The following PTGES variants were observed in gnomAD, a reference collection of about 807,000 sequenced individuals.
The protein encoded by PTGES is MGST1-like 1.
A neutral mutation model predicts 11.8 loss-of-function variants in PTGES; 3 were observed. That is an observed-to-expected ratio of 0.25 (90% CI 0.12 to 0.66). The LOEUF (loss-of-function observed/expected upper bound fraction) is 0.66, where lower values mean the gene tolerates loss of function less well. Ranked by LOEUF, PTGES falls within the 30% of genes least tolerant of loss-of-function variation. The pLI is 0.82. For missense variants in PTGES, 180 were observed against 213.0 expected (o/e 0.85, Z 0.96); for synonymous variants, 94 against 90.4 (o/e 1.04, Z -0.22).
Position 129,739,512 on chromosome 9 carries a change from C to G in PTGES, c.*99G>C. ...AGCAGGCTGCCAGGAAACCAGGACT[C>G]AGGGCCCACCACAATCTGGAAGGAA... On this transcript the variant is annotated 3_prime_UTR_variant, in exon 3 of 3. Coordinates refer to ENST00000340607, the MANE Select transcript of PTGES (RefSeq NM_004878.5). The surrounding 1 kb of genome is among the most constrained non-coding windows in gnomAD (Gnocchi z 5.7). The G allele has an allele frequency of 6.8e-7, 1 of 1,461,500 alleles. No individual in the cohort carries two copies. Among genetic ancestry groups the G allele is most frequent in the Non-Finnish European group, 9.1e-7 (1 of 1,104,378 alleles). 90.5% of individuals were successfully genotyped at this position (1,461,500 alleles called of 1,614,324 possible). A position where few individuals can be genotyped will look rare whatever the true frequency, so the allele number is the denominator to read the frequency against.
In PTGES at chr9:129,745,576, G is replaced by A. The variant is rs1407647293; in HGVS notation, c.209+3079C>T. ...TGTGAAATCAGGTGGCAGAGGAGGGGCCCAGGGGACCCAGGCACTCCCCAG... is the reference window on the plus strand; with the variant it reads ...TGTGAAATCAGGTGGCAGAGGAGGGACCCAGGGGACCCAGGCACTCCCCAG... On this transcript the variant is annotated intron_variant, in intron 2 of 2. Coordinates refer to ENST00000340607, the MANE Select transcript of PTGES (RefSeq NM_004878.5). The surrounding 1 kb of genome is among the most constrained non-coding windows in gnomAD (Gnocchi z 4.2). Among the ~76,000 whole-genome samples, 1 of 152,168 alleles carries A rather than the reference G, an allele frequency of 6.6e-6. No homozygotes were observed. Among genetic ancestry groups the A allele is most frequent in the Non-Finnish European group, 1.5e-5 (1 of 68,030 alleles).
At chr9:129,749,518 C>A (rs1413412341) in intron 1 of PTGES, 1 of 152,234 alleles carries the variant, frequency 6.6e-6, no homozygotes, top group Admixed American at 6.6e-5. Context: ...TGGTGATACA[C>A]ACCTGTGGTC....
At chr9:129,747,352 G>A (rs1833058048) in intron 2 of PTGES, among the ~76,000 whole-genome samples, 1 of 152,218 alleles carries the variant, frequency 6.6e-6, no homozygotes, top group African/African-American at 2.4e-5. Flanking sequence ...AGATGCAAGT[G>A]TGAACTGTGA....
At chr9:129,743,499 C>T (rs1227692199) in intron 2 of PTGES, among the ~76,000 whole-genome samples, 3 of 152,242 alleles carry the variant, frequency 2.0e-5, no homozygotes, top group African/African-American at 7.2e-5. Context: ...CCTGCCTTCA[C>T]CCTCCACAGA....
At chr9:129,750,493 T>C (rs369637729) in intron 1 of PTGES, among the ~76,000 whole-genome samples, 1 of 152,114 alleles carries the variant, frequency 6.6e-6, no homozygotes, top group Non-Finnish European at 1.5e-5. Context: ...GGCACTGCCT[T>C]TAGGAGTCCA....
chr9:129,746,250 T>C (rs1014137947), intron 2 of PTGES, among the ~76,000 whole-genome samples: 1 of 152,132 alleles, frequency 6.6e-6, no homozygotes, highest in Admixed American at 6.6e-5. Context: ...GTGGCTGCTG[T>C]GAGCTGGCCC....
At chr9:129,748,767 C>A (rs755052868) in intron 1 of PTGES, 30 bp from the exon 2 acceptor site, 2 of 1,553,456 alleles carry the variant, frequency 1.3e-6, no homozygotes, top group African/African-American at 2.8e-5. Context: ...AGTCACTCCT[C>A]GTGAGACAAA....
chr9:129,743,533 C>T (rs982976363), intron 2 of PTGES, among the ~76,000 whole-genome samples: 1 of 152,206 alleles, frequency 6.6e-6, no homozygotes, highest in Non-Finnish European at 1.5e-5. Context: ...GCTGCATTTT[C>T]CTGCATAGGT....
Position 129,739,417 on chromosome 9 carries a change from A to AACATACACACAC in PTGES, c.*182_*193dup, listed in dbSNP as rs1216463978. The AACATACACACAC allele has an allele frequency of 2.7e-5, 18 of 666,134 alleles. No homozygotes were observed. Among genetic ancestry groups the AACATACACACAC allele is most frequent in the Middle Eastern group, 4.3e-4 (1 of 2,330 alleles). 41.3% of individuals were successfully genotyped at this position (666,134 alleles called of 1,614,324 possible). A position where few individuals can be genotyped will look rare whatever the true frequency, so the allele number is the denominator to read the frequency against. On this transcript the variant is annotated 3_prime_UTR_variant, in exon 3 of 3. Coordinates refer to ENST00000340607, the MANE Select transcript of PTGES (RefSeq NM_004878.5). This position sits in a 1 kb window ranked among gnomAD's most constrained non-coding sequence, Gnocchi z 5.7. The stretch of plus-strand genomic sequence containing the variant: ...CGTGCAGGAATCCAAGGGGCTAAGA[A>AACATACACACAC]ACATACACACACACATACACACACA...
In PTGES at chr9:129,745,654, G is replaced by T. The variant is rs1469062071; in HGVS notation, c.209+3001C>A. Among the ~76,000 whole-genome samples, 1 of 152,126 alleles carries T rather than the reference G, an allele frequency of 6.6e-6. No homozygotes were observed. The highest frequency in any genetic ancestry group is 1.9e-4 in the East Asian group (1 of 5,192). On this transcript the variant is annotated intron_variant, in intron 2 of 2. Transcript: ENST00000340607. This position sits in a 1 kb window ranked among gnomAD's most constrained non-coding sequence, Gnocchi z 4.2. Reference sequence around the variant, plus strand: ...GCTTCCAGTAAGTCCTCACCAAATGGCTATAAAGTATTATTAGATAAGACG... The same window carrying T: ...GCTTCCAGTAAGTCCTCACCAAATGTCTATAAAGTATTATTAGATAAGACG...
chr9:129,739,926 T>C lies in PTGES; in HGVS notation c.210-66A>G. 7 of 1,505,226 alleles carry C rather than the reference T, an allele frequency of 4.7e-6. No homozygotes were observed. The South Asian group carries it at 6.4e-5, about 14-fold the overall frequency. 93.2% of individuals were successfully genotyped at this position (1,505,226 alleles called of 1,614,324 possible). On this transcript the variant is annotated intron_variant, in intron 2 of 2. Transcript: ENST00000340607. The surrounding 1 kb of genome is among the most constrained non-coding windows in gnomAD (Gnocchi z 5.7). ...TTGGGGCCATAGGCCCTTTTGAGAG[T>C]GTCATGGAAGCTGGGGGTGCTTTGA...
intron 2 of PTGES, among the ~76,000 whole-genome samples, chr9:129,747,810 G>T (rs1318499543): frequency 6.6e-6 from 1 of 151,960 alleles, no homozygotes; most frequent in Non-Finnish European, 1.5e-5. Context: ...AGGAGTTCCA[G>T]ACCAGCCTGG....
At chr9:129,744,836 T>TGTTGC (rs1428977670) in intron 2 of PTGES, among the ~76,000 whole-genome samples, 4 of 148,410 alleles carry the variant, frequency 2.7e-5, no homozygotes, top group Non-Finnish European at 6.0e-5. Context: ...GAAACCACGC[T>TGTTGC]ATTGCACTCC....
At chr9:129,742,120 C>A (rs1409110183) in intron 2 of PTGES, among the ~76,000 whole-genome samples, 1 of 151,430 alleles carries the variant, frequency 6.6e-6, no homozygotes, top group African/African-American at 2.4e-5. Flanking sequence ...GAGTTTGAGA[C>A]CTACCTGGCC....
In PTGES at chr9:129,753,042, T is replaced by G. The variant is rs189727275; in HGVS notation, c.-30A>C. 2.5e-6 allele frequency: 4 copies of G among 1,592,430 alleles called. No homozygotes were observed. Among genetic ancestry groups the G allele is most frequent in the Non-Finnish European group, 2.6e-6 (3 of 1,174,602 alleles). On this transcript the variant is annotated 5_prime_UTR_variant, in exon 1 of 3. Transcript: ENST00000340607. ...GGCCAGCGCAGCTCAACTGTGGGTGTGATCAGCTCGACAGAGGAGCAGCCT... is the reference window on the plus strand; with the variant it reads ...GGCCAGCGCAGCTCAACTGTGGGTGGGATCAGCTCGACAGAGGAGCAGCCT...
rs531613766 is a variant in PTGES at position 129,748,285 on chromosome 9, C to T, written c.209+370G>A. ...TAAAGGGTGATTCTATGGGGCAGAA[C>T]GGGAAAAGCGTGGCACACATGTTTG... On this transcript the variant is annotated intron_variant, in intron 2 of 2. Coordinates refer to ENST00000340607, the MANE Select transcript of PTGES (RefSeq NM_004878.5). Among the ~76,000 whole-genome samples the T allele has an allele frequency of 9.1e-5, 13 of 142,766 alleles. No individual in the cohort carries two copies. In the East Asian group the frequency reaches 1.2e-3, roughly 13 times the overall value. 93.7% of individuals were successfully genotyped at this position (142,766 alleles called of 152,430 possible).
At chr9:129,744,833 C>T (rs1057410000) in intron 2 of PTGES, among the ~76,000 whole-genome samples, 6 of 150,152 alleles carry the variant, frequency 4.0e-5, no homozygotes, top group South Asian at 4.2e-4. Context: ...GCCGAAACCA[C>T]GCTATTGCAC....
chr9:129,740,849 C>G (rs868388465), intron 2 of PTGES, among the ~76,000 whole-genome samples: 59 of 152,318 alleles, frequency 3.9e-4, no homozygotes, highest in African/African-American at 1.3e-3. Context: ...AGGGCATGAC[C>G]TCCCCCAAGG....
Position 129,739,659 on chromosome 9 carries a change from G to A in PTGES, c.411C>T (p.Cys137=), listed in dbSNP as rs201428836. 304 of 1,555,674 alleles carry A rather than the reference G, an allele frequency of 2.0e-4. No homozygotes were observed. The highest frequency in any genetic ancestry group is 2.5e-4 in the Non-Finnish European group (289 of 1,149,568). ...AGAGGATCTGCAGAGCCATGGAGGC[G>A]CAGGGGAGCTGGGCCAGGGTGTAGG... ...SVTYTLAQLP[C]ASMALQILWE... Residue 137 remains cysteine (C), a synonymous_variant, in exon 3 of 3, where the codon TGC becomes TGT. Coordinates refer to ENST00000340607, the MANE Select transcript of PTGES (RefSeq NM_004878.5). This position sits in a 1 kb window ranked among gnomAD's most constrained non-coding sequence, Gnocchi z 5.7.
Sources: allele counts gnomAD v4.1 joint callset (sites outside exome capture counted in the v4.1 genomes callset), GRCh38; gene constraint gnomAD v4.1.1; non-coding constraint Gnocchi (gnomAD v3.1); transcripts MANE v1.5; gene names NCBI Gene and HGNC (gene_info 2026-07-23, HGNC 2026-07-21).